PTPN1: variants seen among roughly 807,000 people sequenced by gnomAD.
PTPN1 encodes tyrosine-protein phosphatase non-receptor type 1.
A neutral mutation model predicts 59.9 loss-of-function variants in PTPN1; 12 were observed. The ratio of observed to expected loss-of-function variants is 0.20; its 90% CI spans 0.13 to 0.32. The LOEUF (loss-of-function observed/expected upper bound fraction) is 0.32, where lower values mean the gene tolerates loss of function less well. PTPN1 is among the 10% of genes least tolerant of loss of function. PTPN1 has a pLI of 1.00. For missense variants in PTPN1, 356 were observed against 549.2 expected, an observed-to-expected ratio of 0.65 and a Z score of 3.52; for synonymous variants, 178 against 203.6, an observed-to-expected ratio of 0.87 and a Z score of 1.07.
At position 50,515,869 on chromosome 20, in the gene PTPN1, G is replaced by A. The variant is rs572985357; in HGVS notation, c.63+5279G>A. On this transcript the variant is annotated intron_variant, in intron 1 of 9. Coordinates refer to ENST00000371621, the MANE Select transcript of PTPN1 (RefSeq NM_002827.4). Reference sequence around the variant, plus strand: ...ATAGTAGAGGTCACTCTGGGAGAAGGCCCCCACCACATTTTGAGTCATGGC... The same window carrying A: ...ATAGTAGAGGTCACTCTGGGAGAAGACCCCCACCACATTTTGAGTCATGGC... 3.3e-5 allele frequency among the ~76,000 whole-genome samples: 5 copies of A among 152,288 alleles called. No homozygotes were observed. The East Asian group carries it at 7.7e-4, about 23-fold the overall frequency.
At chr20:50,547,538 A>G (rs2082681143) in intron 1 of PTPN1, among the ~76,000 whole-genome samples, 1 of 151,888 alleles carries the variant, frequency 6.6e-6, no homozygotes, top group Non-Finnish European at 1.5e-5. Flanking sequence ...TAATTTTTGT[A>G]TTTTTAGTAG....
chr20:50,582,792 C>A lies in PTPN1; in HGVS notation c.*77C>A. On this transcript the variant is annotated 3_prime_UTR_variant, in exon 10 of 10. Transcript: ENST00000371621. This position sits in a 1 kb window ranked among gnomAD's most constrained non-coding sequence, Gnocchi z 4.2. ...GCCCACGCCCGACTAGCAGGCATGC[C>A]GCGGTAGGTAAGGGCCGCCGGACCG... is the stretch of plus-strand genomic sequence containing the variant. 1.3e-6 allele frequency: 2 copies of A among 1,583,404 alleles called. No homozygotes were observed. The highest frequency in any genetic ancestry group is 1.7e-6 in the Non-Finnish European group (2 of 1,157,886).
intron 1 of PTPN1, among the ~76,000 whole-genome samples, chr20:50,512,176 A>G (rs1171267768): frequency 2.6e-5 from 4 of 152,222 alleles, no homozygotes; most frequent in African/African-American, 4.8e-5. Context: ...AATGAATTCC[A>G]TAAGGGACTT....
chr20:50,564,842 A>C (rs536900983), intron 2 of PTPN1, 127 bp from the exon 3 acceptor site: 1 of 1,419,860 alleles, frequency 7.0e-7, no homozygotes, highest in South Asian at 1.4e-5. Flanking sequence ...CAACTAAAAC[A>C]GGGCTTCAGC....
At chr20:50,553,302 C>A (rs550906877) in intron 1 of PTPN1, among the ~76,000 whole-genome samples, 10 of 152,126 alleles carry the variant, frequency 6.6e-5, no homozygotes, top group African/African-American at 2.2e-4. Context: ...TTCTGCCTGG[C>A]GATCTTGCTG....
At chr20:50,569,917 G>A (rs1453984771) in intron 4 of PTPN1, among the ~76,000 whole-genome samples, 3 of 152,258 alleles carry the variant, frequency 2.0e-5, no homozygotes, top group Admixed American at 6.5e-5. Context: ...ACCCTGCTGC[G>A]GGGTCCAGGA....
At chr20:50,554,380 A>ATTCATTCTCTCTCTCTCTCTCTCTCTC (rs11481722) in intron 1 of PTPN1, among the ~76,000 whole-genome samples, 4 of 140,200 alleles carry the variant, frequency 2.9e-5, no homozygotes, top group African/African-American at 1.1e-4. Flanking sequence ...GCAAGACCAC[A>ATTCATTCTCTCTCTCTCTCTCTCTCTC]TCTCTCTCTC....
At chr20:50,574,459 C>G in intron 4 of PTPN1, 58 bp from the exon 5 acceptor site, 2 of 1,499,424 alleles carry the variant, frequency 1.3e-6, no homozygotes, top group Non-Finnish European at 8.9e-7. Flanking sequence ...TCCAAGCCTC[C>G]TGCCATAGAA....
chr20:50,563,057 T>TA (rs1330771182), intron 2 of PTPN1: 1 of 144,646 alleles, frequency 6.9e-6, no homozygotes, highest in Non-Finnish European at 1.5e-5. Context: ...CACAACCAGT[T>TA]ACAGATTTCT....
intron 1 of PTPN1, among the ~76,000 whole-genome samples, chr20:50,537,003 A>T (rs751900435): frequency 2.0e-5 from 3 of 152,230 alleles, no homozygotes; most frequent in Non-Finnish European, 4.4e-5. Flanking sequence ...TGTTGTTGAC[A>T]TAATTGTAGA....
In PTPN1 at chr20:50,510,443, C is replaced by A. The variant is rs1281220088; in HGVS notation, c.-85C>A. On this transcript the variant is annotated 5_prime_UTR_variant, in exon 1 of 10. Coordinates refer to ENST00000371621, the MANE Select transcript of PTPN1 (RefSeq NM_002827.4). ...GCAGGGGTCGGGGATTGCAGCGGGCCTCGGGGCTAAGAGCGCGACGCGGCC... is the reference window on the plus strand; with the variant it reads ...GCAGGGGTCGGGGATTGCAGCGGGCATCGGGGCTAAGAGCGCGACGCGGCC... The A allele has an allele frequency of 6.9e-7, 1 of 1,459,410 alleles. No individual in the cohort carries two copies. Among genetic ancestry groups the A allele is most frequent in the Non-Finnish European group, 9.3e-7 (1 of 1,080,306 alleles). The allele number at this position is 1,459,410 out of a possible 1,614,324, so 90.4% of individuals were successfully genotyped here. A position where few individuals can be genotyped will look rare whatever the true frequency, so the allele number is the denominator to read the frequency against.
rs2082876376 is a variant in PTPN1, at chr20:50,582,922, T to A, written c.*207T>A. On this transcript the variant is annotated 3_prime_UTR_variant, in exon 10 of 10. Coordinates refer to ENST00000371621, the MANE Select transcript of PTPN1 (RefSeq NM_002827.4). This position sits in a 1 kb window ranked among gnomAD's most constrained non-coding sequence, Gnocchi z 4.2. Reference sequence around the variant, plus strand: ...CTTTTACTTTTTGCCCCTTCCACTTTGAGTACCAAATCCACAAGCCATTTT... The same window carrying A: ...CTTTTACTTTTTGCCCCTTCCACTTAGAGTACCAAATCCACAAGCCATTTT... 1 of 614,234 alleles carries A rather than the reference T, an allele frequency of 1.6e-6. No homozygotes were observed. Among genetic ancestry groups the A allele is most frequent in the Non-Finnish European group, 2.9e-6 (1 of 346,548 alleles). 38.0% of individuals were successfully genotyped at this position (614,234 alleles called of 1,614,324 possible). A position where few individuals can be genotyped will look rare whatever the true frequency, so the allele number is the denominator to read the frequency against.
chr20:50,567,950 G>T (rs2082786963), intron 3 of PTPN1, among the ~76,000 whole-genome samples: 1 of 152,222 alleles, frequency 6.6e-6, no homozygotes, highest in Non-Finnish European at 1.5e-5. Flanking sequence ...GCGATGAAGT[G>T]ACTTGCGCAA....
chr20:50,531,848 C>A (rs756522933), intron 1 of PTPN1, among the ~76,000 whole-genome samples: 1 of 152,202 alleles, frequency 6.6e-6, no homozygotes, highest in African/African-American at 2.4e-5. Context: ...ATCCTCTCCC[C>A]GCTAGTGGTA....
intron 1 of PTPN1, among the ~76,000 whole-genome samples, chr20:50,526,829 A>G (rs1413650254): frequency 6.6e-6 from 1 of 151,520 alleles, no homozygotes; most frequent in Non-Finnish European, 1.5e-5. Flanking sequence ...CTTCTTACCT[A>G]CCACCTCTAG....
At chr20:50,551,623 C>T (rs1240386752) in intron 1 of PTPN1, among the ~76,000 whole-genome samples, 1 of 152,196 alleles carries the variant, frequency 6.6e-6, no homozygotes, top group Admixed American at 6.5e-5. Context: ...CTGAAATCTA[C>T]ACTAAGAGAA....
intron 1 of PTPN1, among the ~76,000 whole-genome samples, chr20:50,553,303 G>A (rs566402074): frequency 3.3e-5 from 5 of 152,314 alleles, no homozygotes; most frequent in South Asian, 4.1e-4. Context: ...TCTGCCTGGC[G>A]ATCTTGCTGA....
intron 1 of PTPN1, among the ~76,000 whole-genome samples, chr20:50,559,248 G>A (rs751336463): frequency 1.5e-4 from 23 of 152,070 alleles, no homozygotes; most frequent in Non-Finnish European, 3.2e-4. Flanking sequence ...GGCCAGGCTG[G>A]TCTTGAACTC....
chr20:50,562,604 CTG>C (rs1387268551), intron 2 of PTPN1, among the ~76,000 whole-genome samples: 2 of 152,228 alleles, frequency 1.3e-5, no homozygotes, highest in East Asian at 3.8e-4. Context: ...TAAATGTTGT[CTG>C]TGGTGGGGAT....
Sources: allele counts gnomAD v4.1 joint callset (sites outside exome capture counted in the v4.1 genomes callset), GRCh38; gene constraint gnomAD v4.1.1; non-coding constraint Gnocchi (gnomAD v3.1); transcripts MANE v1.5; gene names NCBI Gene and HGNC (gene_info 2026-07-23, HGNC 2026-07-21).